Variants in NR3C1 observed in about 807,000 individuals in gnomAD.
The protein encoded by NR3C1 is nuclear receptor subfamily 3 group C member 1, also known as glucocorticoid receptor.
Under a neutral mutation model 74.0 loss-of-function variants are expected in NR3C1, and 14 were observed. The ratio of observed to expected loss-of-function variants is 0.19; its 90% CI spans 0.12 to 0.30. The LOEUF (loss-of-function observed/expected upper bound fraction) is 0.30. Ranked by LOEUF, NR3C1 falls within the 10% of genes least tolerant of loss-of-function variation. The pLI is 1.00. For synonymous variants in NR3C1, 308 were observed against 332.5 expected, an observed-to-expected ratio of 0.93 and a Z score of 0.80; for missense variants, 695 against 909.8, an observed-to-expected ratio of 0.76 and a Z score of 3.04.
At chr5:143,422,615 A>G (rs1428710639) in intron 1 of NR3C1, among the ~76,000 whole-genome samples, 2 of 152,164 alleles carry the variant, frequency 1.3e-5, no homozygotes, top group African/African-American at 4.8e-5. Context: ...CCTTCCCACC[A>G]TGTGAGGACA....
intron 2 of NR3C1, among the ~76,000 whole-genome samples, chr5:143,368,436 G>A (rs1433079532): frequency 6.6e-6 from 1 of 151,572 alleles, no homozygotes; most frequent in Non-Finnish European, 1.5e-5. Context: ...GTGAAAAGAT[G>A]GCCTTTTAAA....
intron 2 of NR3C1, among the ~76,000 whole-genome samples, chr5:143,382,917 C>T (rs1239303090): frequency 6.6e-6 from 1 of 152,190 alleles, no homozygotes; most frequent in African/African-American, 2.4e-5. Context: ...AATGGTGAGG[C>T]TAGTTTGGGA....
At chr5:143,346,127 T>C (rs1320906709) in intron 2 of NR3C1, among the ~76,000 whole-genome samples, 1 of 152,208 alleles carries the variant, frequency 6.6e-6, no homozygotes, top group Non-Finnish European at 1.5e-5. Context: ...GACTCCTAAA[T>C]CTAGGTTATC....
At chr5:143,294,692 C>T (rs1169806849) in intron 7 of NR3C1, among the ~76,000 whole-genome samples, 4 of 152,138 alleles carry the variant, frequency 2.6e-5, no homozygotes, top group Non-Finnish European at 5.9e-5. Flanking sequence ...TTGCTGTCTT[C>T]ACAGTTTTGC....
chr5:143,425,936 A>G (rs551633778), intron 1 of NR3C1, among the ~76,000 whole-genome samples: 6 of 152,216 alleles, frequency 3.9e-5, no homozygotes, highest in Non-Finnish European at 7.3e-5. Context: ...TCATAACAAC[A>G]TTATTCATAA....
At position 143,350,195 on chromosome 5, in the gene NR3C1, CAT is replaced by C. The variant is rs1179464817; in HGVS notation, c.1185-36029_1185-36028del. ...TCTAAAGAGGGGACTAATCTGATCA[CAT>C]GTTTATGTTTGAAAGCTCTAGCTGC... On this transcript the variant is annotated intron_variant, in intron 2 of 8. Transcript: ENST00000394464. Among the ~76,000 whole-genome samples, 5 of 152,212 alleles carry C rather than the reference CAT, an allele frequency of 3.3e-5. No homozygotes were observed. The South Asian group carries it at 6.2e-4, about 19-fold the overall frequency.
Position 143,282,798 on chromosome 5 carries a change from T to C in NR3C1, c.2024-73A>G, listed in dbSNP as rs992579844. On this transcript the variant is annotated intron_variant, in intron 7 of 8. Transcript: ENST00000394464. Reference sequence around the variant, plus strand: ...TTTTCTTTTTTTTTTTTTTTTGAGATAGATAGGGTCTCACTGTGTCATCCA... The same window carrying C: ...TTTTCTTTTTTTTTTTTTTTTGAGACAGATAGGGTCTCACTGTGTCATCCA... The C allele has an allele frequency of 2.3e-5, 33 of 1,405,416 alleles. 1 individual carries two copies. Among genetic ancestry groups the C allele is most frequent in the Non-Finnish European group, 1.9e-5 (20 of 1,026,464 alleles). The allele number at this position is 1,405,416 out of a possible 1,614,324, so 87.1% of individuals were successfully genotyped here. A position where few individuals can be genotyped will look rare whatever the true frequency, so the allele number is the denominator to read the frequency against.
chr5:143,284,382 T>TACAAG (rs1320712281), intron 7 of NR3C1, among the ~76,000 whole-genome samples: 1 of 152,118 alleles, frequency 6.6e-6, no homozygotes, highest in East Asian at 1.9e-4. Flanking sequence ...CATAAAGCAT[T>TACAAG]ACAAGACATC....
chr5:143,349,736 G>C (rs918792545), intron 2 of NR3C1, among the ~76,000 whole-genome samples: 2 of 152,052 alleles, frequency 1.3e-5, no homozygotes, highest in African/African-American at 2.4e-5. Flanking sequence ...CTAGGCACTG[G>C]GGTATACCAC....
chr5:143,295,262 C>T (rs1599734526), intron 7 of NR3C1, 198 bp downstream of exon 7: 2 of 985,176 alleles, frequency 2.0e-6, no homozygotes, highest in Non-Finnish European at 2.4e-6. Flanking sequence ...TCTGTTTCTG[C>T]CATACCTATT....
In NR3C1 at chr5:143,281,855, A is replaced by ACTT. The variant is rs1275724595; in HGVS notation, c.*31_*33dup. On this transcript the variant is annotated 3_prime_UTR_variant, in exon 9 of 9. Transcript: ENST00000394464. Reference sequence around the variant, plus strand: ...TTATACAATAAAAGCTATTAATTCGACTTTCTTTAAGGCAACCATTCTTAT... The same window carrying ACTT: ...TTATACAATAAAAGCTATTAATTCGACTTCTTTCTTTAAGGCAACCATTCTTAT... 4 of 1,600,284 alleles carry ACTT rather than the reference A, an allele frequency of 2.5e-6. No homozygotes were observed. In the African/African-American group the frequency reaches 5.4e-5, roughly 21 times the overall value.
intron 2 of NR3C1, among the ~76,000 whole-genome samples, chr5:143,375,008 A>G (rs189908629): frequency 6.6e-6 from 1 of 152,326 alleles, no homozygotes; most frequent in Non-Finnish European, 1.5e-5. Context: ...GCAGGCAGAC[A>G]CTAGATTCAA....
chr5:143,398,364 T>TG (rs1839625187), intron 2 of NR3C1, among the ~76,000 whole-genome samples: 2 of 150,622 alleles, frequency 1.3e-5, no homozygotes, highest in Non-Finnish European at 3.0e-5. Context: ...TGGTTTTTTT[T>TG]TTTTTTTTTT....
intron 2 of NR3C1, 64 bp downstream of exon 2, chr5:143,399,592 A>G: frequency 8.3e-7 from 1 of 1,201,748 alleles, no homozygotes; most frequent in South Asian, 1.2e-5. Context: ...ATCAATGAAG[A>G]TTTACATCTA....
chr5:143,314,103 G>A lies in NR3C1; in HGVS notation c.1250C>T (p.Pro417Leu). The A allele has an allele frequency of 1.2e-6, 2 of 1,613,864 alleles. No homozygotes were observed. Among genetic ancestry groups the A allele is most frequent in the Middle Eastern group, 3.3e-4 (2 of 6,056 alleles). ...AGAGCACACCAGGCAGAGTTTGGGA[G>A]GTGGTCCTGTTGTTGCTGTTGAGGA... ...SSSSTATTGPPPKLCLVCSDE... is the reference protein window; with the variant it reads ...SSSSTATTGPLPKLCLVCSDE... The change falls in exon 3 of 9, where the codon CCT (proline) becomes CTT (leucine). Residue 417 changes from proline (P) to leucine (L), a missense_variant. Pro to Leu is a moderately conservative substitution (Grantham distance 98). Around this residue, in one of 4 missense-constraint regions of NR3C1, gnomAD observed 497 missense variants for 489.5 expected, o/e 1.02. Transcript: ENST00000394464.
At chr5:143,356,733 A>G (rs994301081) in intron 2 of NR3C1, among the ~76,000 whole-genome samples, 1 of 151,788 alleles carries the variant, frequency 6.6e-6, no homozygotes, top group African/African-American at 2.4e-5. Flanking sequence ...TTAAATTACT[A>G]AATTATCCTA....
intron 7 of NR3C1, among the ~76,000 whole-genome samples, chr5:143,287,371 A>AAACTT (rs1814740272): frequency 6.6e-6 from 1 of 152,184 alleles, no homozygotes; most frequent in Non-Finnish European, 1.5e-5. Context: ...GGATCCTACA[A>AAACTT]AACTTAAAGG....
chr5:143,434,348 T>A (rs1412453406), intron 1 of NR3C1, among the ~76,000 whole-genome samples: 1 of 152,210 alleles, frequency 6.6e-6, no homozygotes, highest in Non-Finnish European at 1.5e-5. Flanking sequence ...GAGCAAACTA[T>A]TTCTTTTTAG....
chr5:143,432,776 A>G (rs1431381474), intron 1 of NR3C1, among the ~76,000 whole-genome samples: 5 of 152,192 alleles, frequency 3.3e-5, no homozygotes, highest in Admixed American at 1.3e-4. Context: ...AAGAAAAACC[A>G]TGACTCAGGT....
Sources: gnomAD v4.1 joint callset for allele counts (sites outside exome capture counted in the v4.1 genomes callset) on GRCh38, gnomAD v4.1.1 for gene constraint, gnomAD v4.1.1 regional missense constraint, MANE v1.5 for transcripts, NCBI Gene and HGNC (gene_info 2026-07-23, HGNC 2026-07-21) for gene names.